SNX29: variants seen among roughly 807,000 people sequenced by gnomAD.
The protein encoded by SNX29 is sorting nexin 29.
SNX29 carries 78 observed loss-of-function variants against 102.1 expected under a neutral mutation model. The ratio of observed to expected loss-of-function variants is 0.76; its 90% confidence interval spans 0.64 to 0.92. The LOEUF is 0.92. SNX29 is among the 40% of genes least tolerant of loss of function. The pLI is 0.00. For synonymous variants in SNX29, 580 were observed against 414.5 expected (o/e 1.40, Z -4.85); for missense variants, 1,280 against 1,061.7 (o/e 1.21, Z -2.86).
At chr16:12,253,230 T>C (rs144118477) in intron 14 of SNX29, among the ~76,000 whole-genome samples, 354 of 152,316 alleles carry the variant, frequency 2.3e-3, no homozygotes, top group African/African-American at 8.2e-3. Context: ...CGCCTTGATG[T>C]AGATCTTTCA....
At chr16:12,155,675 G>C (rs191383544) in intron 13 of SNX29, among the ~76,000 whole-genome samples, 2 of 152,200 alleles carry the variant, frequency 1.3e-5, no homozygotes, top group Admixed American at 6.5e-5. Context: ...GTGGCATGCC[G>C]AGATGGAAAA....
At chr16:12,009,972 G>A (rs1324914066) in intron 3 of SNX29, among the ~76,000 whole-genome samples, 2 of 152,264 alleles carry the variant, frequency 1.3e-5, no homozygotes. Context: ...AACGGGGGCA[G>A]TGGAATCAGC....
Position 12,246,724 on chromosome 16 carries a change from A to G in SNX29, c.1679-31209A>G, listed in dbSNP as rs537171868. Among the ~76,000 whole-genome samples the G allele has an allele frequency of 7.2e-5, 11 of 152,332 alleles. No homozygotes were observed. In the South Asian group the frequency reaches 1.2e-3, roughly 17 times the overall value. ...AGGTCAGGCTTTATATGTGACCAGC[A>G]CAGAAGGGCCAATTGGTGGTATTCT... On this transcript the variant is annotated intron_variant, in intron 14 of 20. Coordinates refer to ENST00000566228, the MANE Select transcript of SNX29 (RefSeq NM_032167.5).
At chr16:12,428,605 T>C (rs977381384) in intron 18 of SNX29, among the ~76,000 whole-genome samples, 7 of 151,968 alleles carry the variant, frequency 4.6e-5, no homozygotes, top group African/African-American at 1.7e-4. Flanking sequence ...ACATAGATAT[T>C]TGATTGCAAT....
chr16:12,544,672 G>C (rs2077504299), intron 20 of SNX29, among the ~76,000 whole-genome samples: 1 of 152,322 alleles, frequency 6.6e-6, no homozygotes, highest in South Asian at 2.1e-4. Flanking sequence ...TGAAGCCTTT[G>C]AGAGCGCTGT....
At chr16:12,442,720 A>G (rs2085866409) in intron 18 of SNX29, among the ~76,000 whole-genome samples, 1 of 151,820 alleles carries the variant, frequency 6.6e-6, no homozygotes, top group Non-Finnish European at 1.5e-5. Flanking sequence ...CCTCTCGAGT[A>G]GCTGGGACTA....
rs916506374 is a variant in SNX29 at position 12,540,092 on chromosome 16, C to A, written c.2318+15251C>A. Among the ~76,000 whole-genome samples the A allele has an allele frequency of 3.3e-5, 5 of 152,278 alleles. No individual in the cohort carries two copies. In the East Asian group the frequency reaches 9.7e-4, roughly 29 times the overall value. ...TGGTGTCATGTCTACCAATTGTTAG[C>A]CTAAACCCAGGTCATAAAGATTTTC... is the stretch of plus-strand genomic sequence containing the variant. On this transcript the variant is annotated intron_variant, in intron 20 of 20. Transcript: ENST00000566228.
chr16:12,039,526 T>G (rs2662830), intron 4 of SNX29, among the ~76,000 whole-genome samples: 103,744 of 150,406 alleles, frequency 0.69, 36,546 homozygotes, highest in African/African-American at 0.81. Flanking sequence ...ATTGAAACAT[T>G]AGAGTGAATT....
At position 12,277,953 on chromosome 16, in the gene SNX29, G is replaced by A; in HGVS notation, c.1699G>A (p.Asp567Asn). The change falls in exon 15 of 21, where the codon GAT becomes AAT. Residue 567 changes from aspartate (D) to asparagine (N), a missense_variant. By Grantham distance (23) the Asp-to-Asn change is conservative. Coordinates refer to ENST00000566228, the MANE Select transcript of SNX29 (RefSeq NM_032167.5). The stretch of plus-strand genomic sequence containing the variant: ...TAAAGTGCCAAATCTTTGGAGTGTT[G>A]ATGGAGAAGTTACAGTAGCTGAACA... ...TAEVPNLWSV[D>N]GEVTVAEQKP... 6.2e-7 allele frequency: 1 copy of A among 1,608,540 alleles called. No individual in the cohort carries two copies. The highest frequency in any genetic ancestry group is 8.5e-7 in the Non-Finnish European group (1 of 1,177,386).
chr16:12,569,138 G>C lies in SNX29; in HGVS notation c.*509G>C, dbSNP rs899060833. ...CTGGCTTTGCGGGGGGGGGGGGGGG[G>C]GGGGGCATGGTTCCTTTCACTGCAT... On this transcript the variant is annotated 3_prime_UTR_variant, in exon 21 of 21. Coordinates refer to ENST00000566228, the MANE Select transcript of SNX29 (RefSeq NM_032167.5). 2.7e-5 allele frequency: 3 copies of C among 111,932 alleles called. No individual in the cohort carries two copies. The highest frequency in any genetic ancestry group is 4.2e-5 in the African/African-American group (1 of 23,556). The allele number at this position is 111,932 out of a possible 1,614,324, so 6.9% of individuals were successfully genotyped here.
intron 11 of SNX29, among the ~76,000 whole-genome samples, chr16:12,114,261 A>T (rs113431681): frequency 0.012 from 1,890 of 152,304 alleles, 22 homozygotes; most frequent in South Asian, 0.08. Flanking sequence ...TACAGCTGCA[A>T]GTAGGCGTCC....
chr16:12,154,638 T>C lies in SNX29; in HGVS notation c.1595+24880T>C, dbSNP rs942869084. Among the ~76,000 whole-genome samples the C allele has an allele frequency of 3.9e-5, 6 of 152,198 alleles. No individual in the cohort carries two copies. In the East Asian group the frequency reaches 1.2e-3, roughly 29 times the overall value. The stretch of plus-strand genomic sequence containing the variant: ...AGGTGCCTTAGTCCATCCGGGCTAC[T>C]ATAACAAAACAAAAAGTACCAGAAA... On this transcript the variant is annotated intron_variant, in intron 13 of 20. Coordinates refer to ENST00000566228, the MANE Select transcript of SNX29 (RefSeq NM_032167.5).
intron 14 of SNX29, among the ~76,000 whole-genome samples, chr16:12,213,367 G>A (rs552032365): frequency 6.6e-6 from 1 of 152,236 alleles, no homozygotes; most frequent in South Asian, 2.1e-4. Flanking sequence ...TACCTATTGG[G>A]TCTAGAGTAC....
intron 4 of SNX29, among the ~76,000 whole-genome samples, chr16:12,036,298 A>G (rs138465344): frequency 0.015 from 2,212 of 148,286 alleles, 46 homozygotes; most frequent in African/African-American, 0.052. Flanking sequence ...TATGTTGCCC[A>G]GGCTGGTCTT....
intron 16 of SNX29, among the ~76,000 whole-genome samples, chr16:12,357,087 G>A (rs1206316793): frequency 6.6e-6 from 1 of 152,244 alleles, no homozygotes; most frequent in Non-Finnish European, 1.5e-5. Context: ...AATGCCGTGA[G>A]CATCTAACAC....
chr16:12,309,319 C>T (rs1445964413), intron 15 of SNX29, among the ~76,000 whole-genome samples: 1 of 152,152 alleles, frequency 6.6e-6, no homozygotes, highest in Non-Finnish European at 1.5e-5. Flanking sequence ...ACCTATCTAG[C>T]CTCCCAATGC....
intron 3 of SNX29, among the ~76,000 whole-genome samples, chr16:12,022,611 A>T (rs144909910): frequency 6.6e-6 from 1 of 152,264 alleles, no homozygotes; most frequent in East Asian, 1.9e-4. Context: ...TTAACACTTA[A>T]TCCCTAATTT....
intron 3 of SNX29, among the ~76,000 whole-genome samples, chr16:12,011,878 C>T (rs1292590353): frequency 1.3e-5 from 2 of 152,124 alleles, no homozygotes; most frequent in Non-Finnish European, 2.9e-5. Context: ...TACTCACTTG[C>T]TAGGGTTATA....
intron 14 of SNX29, among the ~76,000 whole-genome samples, chr16:12,250,280 T>C (rs1388417793): frequency 6.6e-6 from 1 of 152,182 alleles, no homozygotes; most frequent in East Asian, 1.9e-4. Context: ...CCAGCTCTCA[T>C]GGGGAGCCAA....
Sources: gnomAD v4.1 joint callset for allele counts (sites outside exome capture counted in the v4.1 genomes callset) on GRCh38, gnomAD v4.1.1 for gene constraint, MANE v1.5 for transcripts, NCBI Gene and HGNC (gene_info 2026-07-23, HGNC 2026-07-21) for gene names.